CSMD1: variants seen among roughly 807,000 people sequenced by gnomAD.
CSMD1 encodes CUB and sushi domain-containing protein 1.
Under a neutral mutation model 417.5 loss-of-function variants are expected in CSMD1, and 213 were observed. That is an observed-to-expected ratio of 0.51 (90% CI 0.46 to 0.57). The LOEUF (loss-of-function observed/expected upper bound fraction) is 0.57, where lower values mean the gene tolerates loss of function less well. CSMD1 is among the 20% of genes least tolerant of loss of function. The pLI, the probability that CSMD1 is intolerant of heterozygous loss-of-function variation, is 0.00. For synonymous variants in CSMD1, 2,862 were observed against 1,736.8 expected, an observed-to-expected ratio of 1.65 and a Z score of -16.11; for missense variants, 6,923 against 4,529.7, an observed-to-expected ratio of 1.53 and a Z score of -15.17.
chr8:4,210,841 G>C (rs80167164), intron 3 of CSMD1, among the ~76,000 whole-genome samples: 2 of 152,082 alleles, frequency 1.3e-5, no homozygotes, highest in East Asian at 1.9e-4. Flanking sequence ...CATGTATCTC[G>C]GGAAAGAAAT....
intron 2 of CSMD1, among the ~76,000 whole-genome samples, chr8:4,613,032 G>A (rs776263312): frequency 2.6e-5 from 4 of 152,142 alleles, no homozygotes; most frequent in Non-Finnish European, 5.9e-5. Flanking sequence ...GTGTAAGGGG[G>A]CTAGAGGAAC....
At chr8:3,746,315 A>G (rs1181430168) in intron 6 of CSMD1, among the ~76,000 whole-genome samples, 1 of 152,252 alleles carries the variant, frequency 6.6e-6, no homozygotes, top group Non-Finnish European at 1.5e-5. Flanking sequence ...GAAGCATAAG[A>G]ACTTAAAATC....
rs1407449055 is a variant in CSMD1, at chr8:3,760,229, C to G, written c.819-6187G>C. Among the ~76,000 whole-genome samples, 3 of 152,314 alleles carry G rather than the reference C, an allele frequency of 2.0e-5. 1 individual carries two copies. In the South Asian group the frequency reaches 6.2e-4, roughly 32 times the overall value. On this transcript the variant is annotated intron_variant, in intron 5 of 69. Coordinates refer to ENST00000635120, the MANE Select transcript of CSMD1 (RefSeq NM_033225.6). ...AAAGCCATTCAGTGGGAATGTTGGA[C>G]AGCTCCTTTAGAGATGGCAAAAGGA...
rs746281048 is a variant in CSMD1, at chr8:3,968,732, G to T, written c.818+29171C>A. ...CTGTGTATTATCTAATGTGTAAATA[G>T]CATTTAAGCAGCCTCAACAACCAAA... On this transcript the variant is annotated intron_variant, in intron 5 of 69. Coordinates refer to ENST00000635120, the MANE Select transcript of CSMD1 (RefSeq NM_033225.6). Among the ~76,000 whole-genome samples the T allele has an allele frequency of 2.6e-5, 4 of 152,148 alleles. 1 individual carries two copies. The highest frequency in any genetic ancestry group is 2.1e-4 in the South Asian group (1 of 4,826).
chr8:3,699,446 C>T lies in CSMD1; in HGVS notation c.1009+8968G>A, dbSNP rs145497971. On this transcript the variant is annotated intron_variant, in intron 7 of 69. Transcript: ENST00000635120. Reference sequence around the variant, plus strand: ...TCTTAGCCAGTACCTAGCAAGTCTACAGATAAGACATTTCAGCCACGGAGG... The same window carrying T: ...TCTTAGCCAGTACCTAGCAAGTCTATAGATAAGACATTTCAGCCACGGAGG... Among the ~76,000 whole-genome samples, 896 of 152,298 alleles carry T rather than the reference C, an allele frequency of 5.9e-3. 11 individuals carry two copies. The highest frequency in any genetic ancestry group is 0.017 in the African/African-American group (716 of 41,580).
At chr8:3,864,258 C>T (rs1804925390) in intron 5 of CSMD1, among the ~76,000 whole-genome samples, 1 of 152,128 alleles carries the variant, frequency 6.6e-6, no homozygotes, top group African/African-American at 2.4e-5. Flanking sequence ...AATTAAACTC[C>T]TGTGGGAATC....
chr8:4,618,049 T>C lies in CSMD1; in HGVS notation c.302+19293A>G, dbSNP rs1336996894. On this transcript the variant is annotated intron_variant, in intron 2 of 69. Transcript: ENST00000635120. ...TAGAGATCACTTAGAATATGCACTA[T>C]GGTGACAGGTCACTACCACATCATG... Among the ~76,000 whole-genome samples, 5 of 152,324 alleles carry C rather than the reference T, an allele frequency of 3.3e-5. No homozygotes were observed. In the East Asian group the frequency reaches 9.6e-4, roughly 29 times the overall value.
chr8:4,362,533 G>T (rs755205294), intron 3 of CSMD1, among the ~76,000 whole-genome samples: 1 of 152,168 alleles, frequency 6.6e-6, no homozygotes, highest in Non-Finnish European at 1.5e-5. Context: ...GATAGAACAG[G>T]ATCTTTAATT....
chr8:4,178,713 G>C lies in CSMD1; in HGVS notation c.416-146614C>G, dbSNP rs557360803. ...TCTCAGCCCAAAATCTCCTTAAGCT[G>C]ATAGGCAACTTCAGCAAAGTCTCAG... On this transcript the variant is annotated intron_variant, in intron 3 of 69. Coordinates refer to ENST00000635120, the MANE Select transcript of CSMD1 (RefSeq NM_033225.6). Among the ~76,000 whole-genome samples, 7 of 152,238 alleles carry C rather than the reference G, an allele frequency of 4.6e-5. No individual in the cohort carries two copies. In the South Asian group the frequency reaches 8.3e-4, roughly 18 times the overall value.
chr8:3,706,551 G>T (rs1585107452), intron 7 of CSMD1, among the ~76,000 whole-genome samples: 1 of 152,238 alleles, frequency 6.6e-6, no homozygotes, highest in South Asian at 2.1e-4. Flanking sequence ...GAGTCATTAT[G>T]CATATGTCAA....
chr8:3,761,840 C>T (rs983591873), intron 5 of CSMD1, among the ~76,000 whole-genome samples: 2 of 152,014 alleles, frequency 1.3e-5, no homozygotes, highest in African/African-American at 4.8e-5. Context: ...TTTCTTCCAC[C>T]CGGAGCGGCA....
rs147854083 is a variant in CSMD1 at position 4,045,340 on chromosome 8, A to G, written c.416-13241T>C. ...CAGGTAAAAGGACCATCAATTGTGT[A>G]TGATATGAGCAGACGAACGGTTTCA... is the stretch of plus-strand genomic sequence containing the variant. On this transcript the variant is annotated intron_variant, in intron 3 of 69. Transcript: ENST00000635120. Among the ~76,000 whole-genome samples the G allele has an allele frequency of 4.0e-4, 61 of 152,302 alleles. 1 individual carries two copies. The highest frequency in any genetic ancestry group is 1.4e-4 in the African/African-American group (6 of 41,570).
At chr8:3,640,619 C>G (rs2469375) in intron 7 of CSMD1, among the ~76,000 whole-genome samples, 76,842 of 152,046 alleles carry the variant, frequency 0.51, 19,768 homozygotes, top group Middle Eastern at 0.64. Context: ...GTCTCTGAGA[C>G]CTCAGTCGTC....
At chr8:4,085,862 A>G (rs749497697) in intron 3 of CSMD1, among the ~76,000 whole-genome samples, 11 of 152,162 alleles carry the variant, frequency 7.2e-5, no homozygotes, top group East Asian at 5.8e-4. Flanking sequence ...CCCTGTCAGT[A>G]TCCGGGCTGT....
At chr8:4,978,474 G>A (rs1192773153) in intron 1 of CSMD1, among the ~76,000 whole-genome samples, 4 of 152,204 alleles carry the variant, frequency 2.6e-5, no homozygotes, top group Non-Finnish European at 5.9e-5. Context: ...AATAAACCCA[G>A]CATCTTTGAT....
intron 50 of CSMD1, 63 bp from the exon 51 acceptor site, chr8:3,029,576 G>A (rs1810202228): frequency 7.1e-7 from 1 of 1,401,458 alleles, no homozygotes; most frequent in South Asian, 1.3e-5. Context: ...GACCGTGCTT[G>A]CTTTGGATGG....
In CSMD1 at chr8:3,668,226, T is replaced by A. The variant is rs545777909; in HGVS notation, c.1009+40188A>T. Reference sequence around the variant, plus strand: ...GGGAACATAGTAAAACTGACATCCGTCCACCACTGCTGGATCTCATTCTGG... The same window carrying A: ...GGGAACATAGTAAAACTGACATCCGACCACCACTGCTGGATCTCATTCTGG... On this transcript the variant is annotated intron_variant, in intron 7 of 69. Coordinates refer to ENST00000635120, the MANE Select transcript of CSMD1 (RefSeq NM_033225.6). Among the ~76,000 whole-genome samples, 5 of 152,190 alleles carry A rather than the reference T, an allele frequency of 3.3e-5. No individual in the cohort carries two copies. In the South Asian group the frequency reaches 8.3e-4, roughly 25 times the overall value.
chr8:4,799,738 A>C (rs1241000276), intron 1 of CSMD1, among the ~76,000 whole-genome samples: 2 of 152,108 alleles, frequency 1.3e-5, no homozygotes, highest in African/African-American at 4.8e-5. Flanking sequence ...ATTACATGTC[A>C]AAAAGCTTTA....
intron 5 of CSMD1, among the ~76,000 whole-genome samples, chr8:3,796,011 G>T (rs1200960130): frequency 3.5e-5 from 2 of 57,892 alleles, no homozygotes; most frequent in East Asian, 4.0e-4. Flanking sequence ...CATGTATATA[G>T]ATATATATCA....
Sources: allele counts gnomAD v4.1 joint callset (sites outside exome capture counted in the v4.1 genomes callset), GRCh38; gene constraint gnomAD v4.1.1; transcripts MANE v1.5; gene names NCBI Gene and HGNC (gene_info 2026-07-23, HGNC 2026-07-21).